The following UNC79 variants were observed in gnomAD, a reference collection of about 807,000 sequenced individuals.
UNC79 encodes the protein unc-79 subunit of NALCN channel complex.
UNC79 carries 37 observed loss-of-function variants against 283.1 expected under a neutral mutation model. The observed-to-expected ratio is 0.13, with a 90% confidence interval of 0.10 to 0.17. The LOEUF (loss-of-function observed/expected upper bound fraction) is 0.17, where lower values mean the gene tolerates loss of function less well. Among genes scored for constraint, UNC79 ranks in the 10% least tolerant of loss-of-function variants. The pLI is 1.00. For synonymous variants in UNC79, 1,107 were observed against 1,200.2 expected, an observed-to-expected ratio of 0.92 and a Z score of 1.61; for missense variants, 2,272 against 3,211.1, an observed-to-expected ratio of 0.71 and a Z score of 7.07.
intron 1 of UNC79, among the ~76,000 whole-genome samples, chr14:93,448,424 A>G (rs941611574): frequency 1.3e-5 from 2 of 152,144 alleles, no homozygotes; most frequent in Non-Finnish European, 1.5e-5. Context: ...CATTGAAAAC[A>G]TATTTTGTTT....
At chr14:93,407,077 T>C (rs2055242311) in intron 1 of UNC79, among the ~76,000 whole-genome samples, 1 of 152,170 alleles carries the variant, frequency 6.6e-6, no homozygotes, top group Non-Finnish European at 1.5e-5. Context: ...CATGAACTTA[T>C]TTCCTGTGTG....
At chr14:93,399,871 A>G (rs752901111) in intron 1 of UNC79, among the ~76,000 whole-genome samples, 3 of 152,212 alleles carry the variant, frequency 2.0e-5, no homozygotes, top group Non-Finnish European at 2.9e-5. Context: ...GATATTCATT[A>G]AGCAGCTATC....
intron 12 of UNC79, among the ~76,000 whole-genome samples, chr14:93,538,818 A>AC (rs2061221933): frequency 6.6e-6 from 1 of 151,452 alleles, no homozygotes; most frequent in Admixed American, 6.6e-5. Context: ...AAAAAAAAAA[A>AC]AAAAGCAATT....
intron 7 of UNC79, among the ~76,000 whole-genome samples, chr14:93,518,799 T>C (rs2060191026): frequency 6.6e-6 from 1 of 151,930 alleles, no homozygotes; most frequent in African/African-American, 2.4e-5. Context: ...TCATGAATTG[T>C]TTAGAAGTGT....
chr14:93,464,604 G>A (rs1199264486), intron 1 of UNC79: 1 of 456,172 alleles, frequency 2.2e-6, no homozygotes, highest in Non-Finnish European at 4.4e-6. Flanking sequence ...GCTTTTTAAA[G>A]TATAAGGAAA....
At chr14:93,578,206 A>G in intron 18 of UNC79, 143 bp downstream of exon 18, 1 of 761,650 alleles carries the variant, frequency 1.3e-6, no homozygotes, top group Non-Finnish European at 2.1e-6. Context: ...ACTCCTTTGG[A>G]GATTTTCTAA....
chr14:93,529,729 T>C (rs924795123), intron 10 of UNC79, among the ~76,000 whole-genome samples: 1 of 152,156 alleles, frequency 6.6e-6, no homozygotes, highest in African/African-American at 2.4e-5. Flanking sequence ...CCCCTGCTAC[T>C]ATTACTAGTA....
chr14:93,409,429 A>T (rs1353684330), intron 1 of UNC79, among the ~76,000 whole-genome samples: 1 of 152,120 alleles, frequency 6.6e-6, no homozygotes, highest in Non-Finnish European at 1.5e-5. Context: ...AGTGGCTCAT[A>T]CCTATAATTC....
Position 93,358,133 on chromosome 14 carries a change from C to T in UNC79, c.-351+24610C>T, listed in dbSNP as rs188874816. Among the ~76,000 whole-genome samples the T allele has an allele frequency of 3.7e-3, 556 of 151,374 alleles. 2 individuals carry two copies. The highest frequency in any genetic ancestry group is 0.013 in the African/African-American group (531 of 41,248). On this transcript the variant is annotated intron_variant, in intron 1 of 49. Coordinates refer to the UNC79 transcript ENST00000256339. ...AGTTGGTTGCTTAATATGATTAGAC[C>T]CCATAATGGTAAGGATGCTACTTCT...
intron 1 of UNC79, among the ~76,000 whole-genome samples, chr14:93,450,509 G>T (rs2140167673): frequency 6.6e-6 from 1 of 152,256 alleles, no homozygotes; most frequent in South Asian, 2.1e-4. Context: ...ATGCATCTAT[G>T]AATGTCTAAA....
chr14:93,449,626 AAAAAAG>A (rs1313398821), intron 1 of UNC79, among the ~76,000 whole-genome samples: 3 of 152,100 alleles, frequency 2.0e-5, no homozygotes, highest in Admixed American at 2.0e-4. Context: ...TCTAAAAAAA[AAAAAAG>A]AAAAAGAAAA....
At chr14:93,538,670 C>T (rs969962533) in intron 12 of UNC79, among the ~76,000 whole-genome samples, 1 of 151,980 alleles carries the variant, frequency 6.6e-6, no homozygotes, top group African/African-American at 2.4e-5. Context: ...GGGCGAATTA[C>T]CTGCATAGGA....
chr14:93,646,748 G>A (rs1291952888), intron 35 of UNC79, 102 bp downstream of exon 38: 11 of 1,303,142 alleles, frequency 8.4e-6, no homozygotes, highest in South Asian at 5.1e-5. Context: ...AGTGGCTCGC[G>A]TCTGTAATCT....
intron 4 of UNC79, among the ~76,000 whole-genome samples, chr14:93,486,816 A>T (rs940808025): frequency 5.3e-5 from 8 of 151,908 alleles, no homozygotes; most frequent in Non-Finnish European, 1.0e-4. Flanking sequence ...ATTTGATGTC[A>T]TCTTAAACAA....
At chr14:93,503,902 C>A (rs2059414643) in intron 7 of UNC79, among the ~76,000 whole-genome samples, 1 of 151,840 alleles carries the variant, frequency 6.6e-6, no homozygotes, top group Non-Finnish European at 1.5e-5. Flanking sequence ...CTTCTATAAT[C>A]TTTGTTTTTC....
At chr14:93,362,365 T>C (rs1200777982) in intron 1 of UNC79, among the ~76,000 whole-genome samples, 1 of 152,186 alleles carries the variant, frequency 6.6e-6, no homozygotes, top group East Asian at 1.9e-4. Flanking sequence ...AGGTTTTTTT[T>C]TGAAACAGAG....
At chr14:93,546,087 G>A (rs947860191) in intron 14 of UNC79, among the ~76,000 whole-genome samples, 7 of 152,148 alleles carry the variant, frequency 4.6e-5, no homozygotes, top group African/African-American at 1.7e-4. Flanking sequence ...TATCTCAAAA[G>A]GCCAATCTTA....
chr14:93,520,031 T>C (rs961048635), intron 7 of UNC79, among the ~76,000 whole-genome samples: 4 of 151,968 alleles, frequency 2.6e-5, no homozygotes, highest in Admixed American at 1.3e-4. Context: ...AGCTACTATC[T>C]GGTATCATTT....
At position 93,577,000 on chromosome 14, in the gene UNC79, C is replaced by G. The variant is rs149408120; in HGVS notation, c.2212-842C>G. Among the ~76,000 whole-genome samples the G allele has an allele frequency of 4.0e-3, 493 of 123,622 alleles. 2 individuals carry two copies. Among genetic ancestry groups the G allele is most frequent in the African/African-American group, 0.012 (473 of 39,604 alleles). 81.1% of individuals were successfully genotyped at this position (123,622 alleles called of 152,430 possible). On this transcript the variant is annotated intron_variant, in intron 17 of 48. Transcript: ENST00000555664. ...GTCTCTACAAAAAAATTTTCAAAAA[C>G]TTAGCTGGGCCTGGTGGAGACCTTG...
Sources: gnomAD v4.1 joint callset for allele counts (sites outside exome capture counted in the v4.1 genomes callset) on GRCh38, gnomAD v4.1.1 for gene constraint, MANE v1.5 for transcripts, NCBI Gene and HGNC (gene_info 2026-07-23, HGNC 2026-07-21) for gene names.